DLC1: variants seen among roughly 807,000 people sequenced by gnomAD.
The protein encoded by DLC1 is rho GTPase-activating protein 7.
Under a neutral mutation model 140.3 loss-of-function variants are expected in DLC1, and 54 were observed. The observed-to-expected ratio is 0.38, with a 90% CI of 0.31 to 0.48. The LOEUF is 0.48. Among genes scored for constraint, DLC1 ranks in the 20% least tolerant of loss-of-function variants. The pLI is 0.96. For missense variants in DLC1, 2,536 were observed against 1,907.0 expected, an observed-to-expected ratio of 1.33 and a Z score of -6.14; for synonymous variants, 986 against 728.1, an observed-to-expected ratio of 1.35 and a Z score of -5.70.
At chr8:13,275,477 T>A (rs112745749) in intron 5 of DLC1, among the ~76,000 whole-genome samples, 7,704 of 152,146 alleles carry the variant, frequency 0.051, 245 homozygotes, top group South Asian at 0.13. Flanking sequence ...AACACAGACT[T>A]AGAGAGCAAA....
intron 2 of DLC1, among the ~76,000 whole-genome samples, chr8:13,451,289 G>A (rs1219351418): frequency 2.0e-5 from 3 of 151,888 alleles, no homozygotes; most frequent in African/African-American, 4.8e-5. Context: ...AGATATTTTG[G>A]TACAGGCATG....
intron 2 of DLC1, among the ~76,000 whole-genome samples, chr8:13,485,956 G>A (rs186503108): frequency 5.6e-4 from 86 of 152,266 alleles, no homozygotes; most frequent in Middle Eastern, 6.8e-3. Context: ...ACAGAAATCC[G>A]CTAGCTAACT....
At chr8:13,572,692 G>T (rs901126786) in intron 1 of DLC1, among the ~76,000 whole-genome samples, 1 of 152,038 alleles carries the variant, frequency 6.6e-6, no homozygotes, top group African/African-American at 2.4e-5. Context: ...TCATTCTTTT[G>T]TATGTGGTGA....
intron 2 of DLC1, among the ~76,000 whole-genome samples, chr8:13,453,510 A>ATG (rs1799237576): frequency 3.1e-5 from 1 of 32,516 alleles, no homozygotes; most frequent in Non-Finnish European, 5.3e-5. Context: ...ATGTATATAT[A>ATG]TATACATATA....
chr8:13,210,746 AAATACATACTTTGACAT>A (rs1480171113), intron 5 of DLC1, among the ~76,000 whole-genome samples: 3 of 152,234 alleles, frequency 2.0e-5, no homozygotes, highest in African/African-American at 4.8e-5. Context: ...CTTGATAGTT[AAATACATACTTTGACAT>A]CTTTTGAGGA....
intron 3 of DLC1, among the ~76,000 whole-genome samples, chr8:13,401,082 A>G (rs966191562): frequency 2.0e-5 from 3 of 152,308 alleles, no homozygotes; most frequent in Non-Finnish European, 2.9e-5. Context: ...CAGCAAATCT[A>G]TAATAAGATT....
chr8:13,526,615 C>T (rs946197939), intron 1 of DLC1, among the ~76,000 whole-genome samples: 19 of 152,030 alleles, frequency 1.2e-4, no homozygotes, highest in Non-Finnish European at 2.8e-4. Flanking sequence ...AGTTCATGTC[C>T]TTTATAGGGA....
At chr8:13,211,269 C>T (rs1361114111) in intron 5 of DLC1, among the ~76,000 whole-genome samples, 1 of 152,172 alleles carries the variant, frequency 6.6e-6, no homozygotes, top group Admixed American at 6.5e-5. Context: ...ATAAATATAG[C>T]TAGCCATCAA....
intron 2 of DLC1, among the ~76,000 whole-genome samples, chr8:13,404,405 C>G (rs1055136759): frequency 2.0e-5 from 3 of 152,120 alleles, no homozygotes; most frequent in African/African-American, 7.2e-5. Flanking sequence ...CCAGTGTCAG[C>G]TGGCATATGG....
intron 4 of DLC1, among the ~76,000 whole-genome samples, chr8:13,350,684 C>A (rs1415811601): frequency 1.3e-5 from 2 of 151,874 alleles, no homozygotes; most frequent in African/African-American, 2.4e-5. Flanking sequence ...CCACTGCACT[C>A]CAGCCTGGGC....
intron 5 of DLC1, among the ~76,000 whole-genome samples, chr8:13,161,372 C>T (rs1017860731): frequency 6.6e-6 from 1 of 152,070 alleles, no homozygotes; most frequent in African/African-American, 2.4e-5. Context: ...GAATTTCACT[C>T]TGTTGCTCAG....
chr8:13,508,510 C>T (rs573628448), intron 1 of DLC1, among the ~76,000 whole-genome samples: 14 of 151,582 alleles, frequency 9.2e-5, no homozygotes, highest in African/African-American at 2.4e-4. Context: ...CTCTGCCTCC[C>T]GAGTTCATGC....
intron 5 of DLC1, among the ~76,000 whole-genome samples, chr8:13,287,426 C>T (rs544365382): frequency 5.3e-5 from 8 of 152,016 alleles, no homozygotes; most frequent in East Asian, 1.9e-4. Flanking sequence ...TAAAACAGTA[C>T]GGGTTAAAGA....
At chr8:13,399,024 G>T (rs1014356448) in intron 3 of DLC1, among the ~76,000 whole-genome samples, 3 of 152,102 alleles carry the variant, frequency 2.0e-5, no homozygotes, top group Non-Finnish European at 4.4e-5. Context: ...GATCCAGGGA[G>T]ACCAAAAGAT....
In DLC1 at chr8:13,499,432, A is replaced by G. The variant is rs751036586; in HGVS notation, c.640T>C (p.Leu214=). ...DAPKVNAVDT[L]NVKDIAPEKQ... is the part of the protein sequence containing the mutation. ...TCAGGTGCAATATCTTTCACGTTCA[A>G]AGTATCCACTGCATTTACTTTGGGT... Residue 214 remains leucine (L), a synonymous_variant, in exon 2 of 18, where the codon TTG becomes CTG. Coordinates refer to ENST00000276297, the MANE Select transcript of DLC1 (RefSeq NM_182643.3). 2 of 1,613,896 alleles carry G rather than the reference A, an allele frequency of 1.2e-6. No homozygotes were observed. The highest frequency in any genetic ancestry group is 1.7e-6 in the Non-Finnish European group (2 of 1,179,964).
chr8:13,543,458 T>A (rs928868985), intron 1 of DLC1, among the ~76,000 whole-genome samples: 1 of 152,152 alleles, frequency 6.6e-6, no homozygotes, highest in African/African-American at 2.4e-5. Flanking sequence ...GATTGTTGGA[T>A]CAAATTGTAG....
intron 2 of DLC1, among the ~76,000 whole-genome samples, chr8:13,457,422 T>C (rs1799443697): frequency 6.6e-6 from 1 of 152,074 alleles, no homozygotes; most frequent in African/African-American, 2.4e-5. Context: ...CTCATGCCTG[T>C]AATCCCAGCA....
rs114192968 is a variant in DLC1, at chr8:13,561,246, A to G, written c.-126+43291T>C. Among the ~76,000 whole-genome samples the G allele has an allele frequency of 4.7e-3, 717 of 151,886 alleles. 6 individuals carry two copies. Among genetic ancestry groups the G allele is most frequent in the African/African-American group, 0.017 (685 of 41,418 alleles). On this transcript the variant is annotated intron_variant, in intron 1 of 1. Transcript: ENST00000631382. ...GCAATCCTCCTGCCTCAGCCTCCTC[A>G]GTAGCTAGGACTAGAGGTGCACACC...
At chr8:13,393,979 G>A (rs1436157428) in intron 3 of DLC1, among the ~76,000 whole-genome samples, 1 of 152,004 alleles carries the variant, frequency 6.6e-6, no homozygotes, top group African/African-American at 2.4e-5. Flanking sequence ...GCTAGCTAGG[G>A]CCCTGCAGAG....
Sources: allele counts gnomAD v4.1 joint callset (sites outside exome capture counted in the v4.1 genomes callset), GRCh38; gene constraint gnomAD v4.1.1; transcripts MANE v1.5; gene names NCBI Gene and HGNC (gene_info 2026-07-23, HGNC 2026-07-21).